RSRC1: variants seen among roughly 807,000 people sequenced by gnomAD.
The protein encoded by RSRC1 is arginine and serine rich coiled-coil 1.
In RSRC1, 39 loss-of-function variants were observed where a neutral mutation model predicts 49.1. The ratio of observed to expected loss-of-function variants is 0.79; its 90% CI spans 0.61 to 1.04. RSRC1 has a LOEUF of 1.04. Among genes scored for constraint, RSRC1 ranks in the 50% least tolerant of loss-of-function variants. The probability of loss-of-function intolerance (pLI) is 0.00; values close to 1 mark genes in which losing one functional copy is unlikely to be tolerated. For synonymous variants in RSRC1, 143 were observed against 130.8 expected, an observed-to-expected ratio of 1.09 and a Z score of -0.63; for missense variants, 388 against 402.4, an observed-to-expected ratio of 0.96 and a Z score of 0.31.
At position 158,545,094 on chromosome 3, in the gene RSRC1, A is replaced by G. The variant is rs1435117945; in HGVS notation, c.*819A>G. The G allele has an allele frequency of 6.6e-6, 1 of 151,566 alleles. No homozygotes were observed. The highest frequency in any genetic ancestry group is 1.5e-5 in the Non-Finnish European group (1 of 67,976). The allele number at this position is 151,566 out of a possible 1,614,324, so 9.4% of individuals were successfully genotyped here. A position where few individuals can be genotyped will look rare whatever the true frequency, so the allele number is the denominator to read the frequency against. On this transcript the variant is annotated 3_prime_UTR_variant, in exon 10 of 10. Transcript: ENST00000611884. ...TCTAGTAGCTGAATGACAATCAACT[A>G]TACGTTCCATACTAAACATGCCAGA...
chr3:158,365,167 T>C (rs1040681734), intron 6 of RSRC1, among the ~76,000 whole-genome samples: 1 of 152,180 alleles, frequency 6.6e-6, no homozygotes, highest in Non-Finnish European at 1.5e-5. Context: ...TTTAAAATTA[T>C]ACTTTAAGTT....
rs192889083 is a variant in RSRC1 at position 158,184,259 on chromosome 3, C to T, written c.321-18813C>T. Reference sequence around the variant, plus strand: ...AGACTCTGTCTCTTTAAAATCTCTTCTGCTTCCTATTATATGGTTTATGAA... The same window carrying T: ...AGACTCTGTCTCTTTAAAATCTCTTTTGCTTCCTATTATATGGTTTATGAA... On this transcript the variant is annotated intron_variant, in intron 3 of 9. Transcript: ENST00000611884. 1.1e-3 allele frequency among the ~76,000 whole-genome samples: 163 copies of T among 149,726 alleles called. 4 individuals are homozygous for T. In the Middle Eastern group the frequency reaches 0.014, roughly 13 times the overall value.
intron 8 of RSRC1, among the ~76,000 whole-genome samples, chr3:158,540,130 G>A (rs747995092): frequency 6.6e-6 from 1 of 152,102 alleles, no homozygotes; most frequent in Non-Finnish European, 1.5e-5. Context: ...ACTTGCACTT[G>A]TGCAGAATAT....
Position 158,484,954 on chromosome 3 carries a change from G to T in RSRC1, c.652+23951G>T, listed in dbSNP as rs906055879. On this transcript the variant is annotated intron_variant, in intron 7 of 9. Transcript: ENST00000611884. The stretch of plus-strand genomic sequence containing the variant: ...GCAGATTCTCTACATGCTAGTTTTT[G>T]TTTGTCTATTATATGAAAGCTAAAT... Among the ~76,000 whole-genome samples, 4 of 152,108 alleles carry T rather than the reference G, an allele frequency of 2.6e-5. No homozygotes were observed. In the East Asian group the frequency reaches 7.7e-4, roughly 29 times the overall value.
In RSRC1 at chr3:158,304,349, G is replaced by A. The variant is rs1361308030; in HGVS notation, c.531+6274G>A. On this transcript the variant is annotated intron_variant, in intron 5 of 9. Coordinates refer to ENST00000611884, the MANE Select transcript of RSRC1 (RefSeq NM_001271838.2). ...TTGAAAATCAAACTGCTGTATTTCG[G>A]TTTTCAGACTAATAGTTCTATTTAA... 4.6e-5 allele frequency among the ~76,000 whole-genome samples: 7 copies of A among 152,146 alleles called. No individual in the cohort carries two copies. The Middle Eastern group carries it at 0.01, about 222-fold the overall frequency.
In RSRC1 at chr3:158,419,213, C is replaced by T. The variant is rs112550259; in HGVS notation, c.584-41722C>T. ...AAATATAGGAATGTGTGAAATACTTCACATGTAGACTTCCACAAAGATTTC... is the reference window on the plus strand; with the variant it reads ...AAATATAGGAATGTGTGAAATACTTTACATGTAGACTTCCACAAAGATTTC... On this transcript the variant is annotated intron_variant, in intron 6 of 9. Coordinates refer to ENST00000611884, the MANE Select transcript of RSRC1 (RefSeq NM_001271838.2). 7.2e-3 allele frequency among the ~76,000 whole-genome samples: 1,101 copies of T among 152,028 alleles called. 14 individuals carry two copies. The highest frequency in any genetic ancestry group is 0.026 in the African/African-American group (1,067 of 41,526).
chr3:158,402,101 G>C (rs536829460), intron 6 of RSRC1, among the ~76,000 whole-genome samples: 9 of 151,922 alleles, frequency 5.9e-5, no homozygotes, highest in Admixed American at 1.3e-4. Flanking sequence ...AATTCCCAAG[G>C]CAGGTTTGTT....
intron 6 of RSRC1, among the ~76,000 whole-genome samples, chr3:158,389,737 T>A (rs1407851071): frequency 1.3e-5 from 2 of 152,226 alleles, no homozygotes; most frequent in Non-Finnish European, 2.9e-5. Context: ...CTCAAATAAT[T>A]ACTCAAAGAA....
chr3:158,475,685 C>T (rs188717472), intron 7 of RSRC1, among the ~76,000 whole-genome samples: 10 of 151,594 alleles, frequency 6.6e-5, no homozygotes, highest in Admixed American at 6.6e-4. Context: ...AATAGGTAAG[C>T]GTTGTGTGTG....
At chr3:158,314,171 A>G (rs1032067444) in intron 5 of RSRC1, among the ~76,000 whole-genome samples, 2 of 152,016 alleles carry the variant, frequency 1.3e-5, no homozygotes, top group Non-Finnish European at 2.9e-5. Flanking sequence ...GCTCACCGCA[A>G]TCTCTGCCTC....
chr3:158,528,299 G>A (rs1362910473), intron 7 of RSRC1, among the ~76,000 whole-genome samples: 2 of 151,896 alleles, frequency 1.3e-5, no homozygotes, highest in African/African-American at 2.4e-5. Flanking sequence ...GGGGAAGGTG[G>A]TTATGATGAA....
At chr3:158,113,993 T>C (rs1006420194) in intron 1 of RSRC1, among the ~76,000 whole-genome samples, 2 of 152,218 alleles carry the variant, frequency 1.3e-5, no homozygotes, top group African/African-American at 2.4e-5. Flanking sequence ...AGAAACTCTT[T>C]AGTTTAATTA....
intron 6 of RSRC1, among the ~76,000 whole-genome samples, chr3:158,384,704 T>C (rs937147037): frequency 1.3e-5 from 2 of 152,144 alleles, no homozygotes; most frequent in African/African-American, 4.8e-5. Context: ...TAAAGAAATG[T>C]AGCCACTGTC....
At chr3:158,413,674 A>G (rs1734589341) in intron 6 of RSRC1, among the ~76,000 whole-genome samples, 1 of 152,202 alleles carries the variant, frequency 6.6e-6, no homozygotes, top group African/African-American at 2.4e-5. Context: ...AAAGTGGGCA[A>G]AGGACATGAA....
At chr3:158,270,257 T>C (rs1725431850) in intron 4 of RSRC1, among the ~76,000 whole-genome samples, 1 of 152,140 alleles carries the variant, frequency 6.6e-6, no homozygotes, top group Non-Finnish European at 1.5e-5. Context: ...AGGGATCTAA[T>C]AAGGGAAGGA....
At chr3:158,497,230 G>A (rs1739372468) in intron 7 of RSRC1, among the ~76,000 whole-genome samples, 1 of 44,266 alleles carries the variant, frequency 2.3e-5, no homozygotes, top group South Asian at 7.2e-4. Context: ...CCTAGCCCCT[G>A]GCAACCACCA....
chr3:158,264,361 A>G (rs145436701), intron 4 of RSRC1, among the ~76,000 whole-genome samples: 437 of 152,258 alleles, frequency 2.9e-3, no homozygotes, highest in African/African-American at 0.01. Context: ...TTCTAATTTG[A>G]TTTCATTGTG....
chr3:158,321,468 T>A lies in RSRC1; in HGVS notation c.531+23393T>A, dbSNP rs527510464. 3.2e-3 allele frequency among the ~76,000 whole-genome samples: 493 copies of A among 152,160 alleles called. 4 individuals carry two copies. The highest frequency in any genetic ancestry group is 0.012 in the African/African-American group (481 of 41,532). On this transcript the variant is annotated intron_variant, in intron 5 of 9. Transcript: ENST00000611884. ...GAATATTTTATTTAAAACATTGTAA[T>A]CACATATGCAATCTACAAAGAACAA...
chr3:158,218,116 CTA>C (rs1304075474), intron 4 of RSRC1, among the ~76,000 whole-genome samples: 1 of 151,574 alleles, frequency 6.6e-6, no homozygotes, highest in Non-Finnish European at 1.5e-5. Context: ...AGGGGCTAGA[CTA>C]TGCAGGGCCT....
Sources: allele counts gnomAD v4.1 joint callset (sites outside exome capture counted in the v4.1 genomes callset), GRCh38; gene constraint gnomAD v4.1.1; transcripts MANE v1.5; gene names NCBI Gene and HGNC (gene_info 2026-07-23, HGNC 2026-07-21).